Variants in BAIAP2L1 observed in about 807,000 individuals in gnomAD.
The protein encoded by BAIAP2L1 is BAR/IMD domain containing adaptor protein 2 like 1.
BAIAP2L1 carries 35 observed loss-of-function variants against 66.3 expected under a neutral mutation model. The observed-to-expected ratio is 0.53, with a 90% CI of 0.40 to 0.70. The LOEUF (loss-of-function observed/expected upper bound fraction) is 0.70, where lower values mean the gene tolerates loss of function less well. Among genes scored for constraint, BAIAP2L1 ranks in the 30% least tolerant of loss-of-function variants. The pLI is 0.00. For missense variants in BAIAP2L1, 622 were observed against 656.9 expected, an observed-to-expected ratio of 0.95 and a Z score of 0.58; for synonymous variants, 269 against 248.7, an observed-to-expected ratio of 1.08 and a Z score of -0.77.
At chr7:98,364,876 A>G (rs1802355641) in intron 1 of BAIAP2L1, among the ~76,000 whole-genome samples, 1 of 148,662 alleles carries the variant, frequency 6.7e-6, no homozygotes, top group Non-Finnish European at 1.5e-5. Flanking sequence ...GGTCCCAGCT[A>G]CTTGGGAGGC....
At position 98,355,095 on chromosome 7, in the gene BAIAP2L1, C is replaced by G; in HGVS notation, c.161G>C (p.Gly54Ala). ...GGCAATCTCACCGATCTTGGCCACT[C>G]CATCGTAGTAGGCTTTTCCTGCCAG... ...MILAGKAYYD[G>A]VAKIGEIATG... Residue 54 changes from glycine (G) to alanine (A), a missense_variant, in exon 3 of 14, where the codon GGA becomes GCA. Coordinates refer to ENST00000005260, the MANE Select transcript of BAIAP2L1 (RefSeq NM_018842.5). The G allele has an allele frequency of 6.2e-7, 1 of 1,613,946 alleles. No individual in the cohort carries two copies. The highest frequency in any genetic ancestry group is 8.5e-7 in the Non-Finnish European group (1 of 1,179,854).
intron 1 of BAIAP2L1, among the ~76,000 whole-genome samples, chr7:98,372,203 C>G (rs1265065411): frequency 1.1e-4 from 17 of 151,950 alleles, no homozygotes; most frequent in Admixed American, 9.8e-4. Flanking sequence ...GTCAGGAGTT[C>G]GAGACCAACC....
At chr7:98,320,641 A>G (rs1390855559) in intron 3 of BAIAP2L1, among the ~76,000 whole-genome samples, 2 of 151,856 alleles carry the variant, frequency 1.3e-5, no homozygotes, top group East Asian at 1.9e-4. Flanking sequence ...GGCCCATTGC[A>G]CAGTTTTGTA....
intron 1 of BAIAP2L1, among the ~76,000 whole-genome samples, chr7:98,397,318 CTTTTTTTTTTTT>C (rs36101597): frequency 5.4e-5 from 4 of 74,498 alleles, no homozygotes; most frequent in African/African-American, 2.2e-4. Context: ...TTCTTAAGCC[CTTTTTTTTTTTT>C]TTTTTTTTTT....
At position 98,292,939 on chromosome 7, in the gene BAIAP2L1, C is replaced by T. The variant is rs944008862; in HGVS notation, c.*582G>A. On this transcript the variant is annotated 3_prime_UTR_variant, in exon 14 of 14. Coordinates refer to ENST00000005260, the MANE Select transcript of BAIAP2L1 (RefSeq NM_018842.5). ...GCAGGCAAAGCGTCTTAGCACTCTA[C>T]AGCTCTGGCGTGGTTGGAGGGAGGG... 86 of 1,314,774 alleles carry T rather than the reference C, an allele frequency of 6.5e-5. No homozygotes were observed. The highest frequency in any genetic ancestry group is 7.2e-5 in the Non-Finnish European group (74 of 1,032,538). The allele number at this position is 1,314,774 out of a possible 1,614,324, so 81.4% of individuals were successfully genotyped here.
intron 3 of BAIAP2L1, among the ~76,000 whole-genome samples, chr7:98,330,552 G>T (rs946907455): frequency 6.6e-6 from 1 of 152,194 alleles, no homozygotes; most frequent in Non-Finnish European, 1.5e-5. Flanking sequence ...AGCTACTCGG[G>T]AGGCTGAGGC....
At chr7:98,347,785 A>G (rs1801907194) in intron 3 of BAIAP2L1, among the ~76,000 whole-genome samples, 1 of 152,120 alleles carries the variant, frequency 6.6e-6, no homozygotes, top group Non-Finnish European at 1.5e-5. Flanking sequence ...CTCAAAAAAA[A>G]AAAGAAATTA....
In BAIAP2L1 at chr7:98,340,837, C is replaced by T. The variant is rs140254231; in HGVS notation, c.214+14205G>A. ...GGGGACAGAGTTTCACTCTGTCACTCAGGCTGGAGAGCAATGGTGTGACCT... is the reference window on the plus strand; with the variant it reads ...GGGGACAGAGTTTCACTCTGTCACTTAGGCTGGAGAGCAATGGTGTGACCT... On this transcript the variant is annotated intron_variant, in intron 3 of 13. Transcript: ENST00000005260. Among the ~76,000 whole-genome samples the T allele has an allele frequency of 1.8e-4, 26 of 148,320 alleles. No individual in the cohort carries two copies. In the Admixed American group the frequency reaches 1.8e-3, roughly 10 times the overall value.
chr7:98,341,329 T>A (rs1284831853), intron 3 of BAIAP2L1, among the ~76,000 whole-genome samples: 1 of 151,990 alleles, frequency 6.6e-6, no homozygotes, highest in African/African-American at 2.4e-5. Flanking sequence ...TTTAACACAA[T>A]CCTTTATTTT....
In BAIAP2L1 at chr7:98,292,431, C is replaced by T; in HGVS notation, c.*1090G>A. ...TCAGGTGATCCCCCTGCCTCGGCCT[C>T]ACAAAATGCTGGGATTCCCGTACCT... On this transcript the variant is annotated 3_prime_UTR_variant, in exon 14 of 14. Transcript: ENST00000005260. 1 of 580,390 alleles carries T rather than the reference C, an allele frequency of 1.7e-6. No homozygotes were observed. The highest frequency in any genetic ancestry group is 3.1e-5 in the Admixed American group (1 of 32,576). 36.0% of individuals were successfully genotyped at this position (580,390 alleles called of 1,614,324 possible).
intron 1 of BAIAP2L1, among the ~76,000 whole-genome samples, chr7:98,364,106 C>T (rs1224153564): frequency 6.6e-6 from 1 of 151,842 alleles, no homozygotes; most frequent in Non-Finnish European, 1.5e-5. Context: ...GGTCTCTATA[C>T]CTCTCACTCT....
In BAIAP2L1 at chr7:98,399,895, T is replaced by C. The variant is rs182634211; in HGVS notation, c.51+907A>G. The stretch of plus-strand genomic sequence containing the variant: ...AGAACCTCACCAAATAACCCATATA[T>C]AAAAGCCAAGTTCAACTGAAAGGTG... On this transcript the variant is annotated intron_variant, in intron 1 of 13. Transcript: ENST00000005260. 5 of 152,236 alleles carry C rather than the reference T, an allele frequency of 3.3e-5. No individual in the cohort carries two copies. The East Asian group carries it at 9.7e-4, about 29-fold the overall frequency. The allele number at this position is 152,236 out of a possible 1,614,324, so 9.4% of individuals were successfully genotyped here. A position where few individuals can be genotyped will look rare whatever the true frequency, so the allele number is the denominator to read the frequency against.
intron 13 of BAIAP2L1, 27 bp downstream of exon 13, chr7:98,294,047 G>A (rs1454950095): frequency 1.2e-6 from 2 of 1,612,284 alleles, no homozygotes; most frequent in Non-Finnish European, 1.7e-6. Context: ...GTCACACACT[G>A]AGGCTCACGT....
intron 9 of BAIAP2L1, chr7:98,309,613 G>A (rs1800796778): frequency 6.6e-6 from 1 of 152,228 alleles, no homozygotes; most frequent in Non-Finnish European, 1.5e-5. Context: ...CCTCTACTGG[G>A]CCATCCTAGT....
At chr7:98,317,138 C>A (rs1631779) in intron 6 of BAIAP2L1, 81 bp downstream of exon 6, 150,716 of 1,573,254 alleles carry the variant, frequency 0.096, 9,239 homozygotes, top group South Asian at 0.24. Context: ...CAGGCGTGAG[C>A]CACCGCACCC....
chr7:98,368,822 A>G (rs1802446113), intron 1 of BAIAP2L1, among the ~76,000 whole-genome samples: 1 of 148,432 alleles, frequency 6.7e-6, no homozygotes, highest in Non-Finnish European at 1.5e-5. Context: ...TTTTTTGGCT[A>G]GTAGCATTCC....
At chr7:98,366,088 C>T (rs1802384281) in intron 1 of BAIAP2L1, among the ~76,000 whole-genome samples, 1 of 152,118 alleles carries the variant, frequency 6.6e-6, no homozygotes, top group Non-Finnish European at 1.5e-5. Flanking sequence ...TCATCAGGGG[C>T]CACTGGGCTT....
chr7:98,400,578 A>G (rs1419950812), intron 1 of BAIAP2L1, among the ~76,000 whole-genome samples: 1 of 79,252 alleles, frequency 1.3e-5, no homozygotes, highest in Non-Finnish European at 2.4e-5. Context: ...GAGGAGGAAA[A>G]GTAGGGGGGA....
intron 1 of BAIAP2L1, among the ~76,000 whole-genome samples, chr7:98,371,239 C>CT (rs1219303841): frequency 6.6e-6 from 1 of 152,314 alleles, no homozygotes; most frequent in Admixed American, 6.5e-5. Context: ...GTCTATATCT[C>CT]TATCGATTAC....
Sources: allele counts gnomAD v4.1 joint callset (sites outside exome capture counted in the v4.1 genomes callset), GRCh38; gene constraint gnomAD v4.1.1; transcripts MANE v1.5; gene names NCBI Gene and HGNC (gene_info 2026-07-23, HGNC 2026-07-21).